Variants in OCA2 observed in about 807,000 individuals in gnomAD.
OCA2 encodes OCA2 melanosomal transmembrane protein.
Under a neutral mutation model 100.2 loss-of-function variants are expected in OCA2, and 77 were observed. The ratio of observed to expected loss-of-function variants is 0.77; its 90% CI spans 0.64 to 0.93. The LOEUF (loss-of-function observed/expected upper bound fraction) is 0.93. Among genes scored for constraint, OCA2 ranks in the 40% least tolerant of loss-of-function variants. OCA2 has a pLI of 0.00. For synonymous variants in OCA2, 432 were observed against 439.2 expected (o/e 0.98, Z 0.21); for missense variants, 1,062 against 1,089.1 (o/e 0.98, Z 0.35).
intron 2 of OCA2, among the ~76,000 whole-genome samples, chr15:28,080,338 CA>C (rs1445281852): frequency 2.6e-5 from 4 of 152,188 alleles, no homozygotes; most frequent in African/African-American, 9.7e-5. Context: ...TTTAATAGCA[CA>C]TACTGGGGGA....
intron 1 of OCA2, among the ~76,000 whole-genome samples, chr15:28,085,350 CT>C (rs1471229787): frequency 6.6e-6 from 1 of 152,156 alleles, no homozygotes; most frequent in Non-Finnish European, 1.5e-5. Context: ...ATAGAAGCTA[CT>C]CTGAGAACTT....
chr15:27,900,131 C>T (rs2037868285), intron 19 of OCA2, among the ~76,000 whole-genome samples: 1 of 152,162 alleles, frequency 6.6e-6, no homozygotes. Context: ...TGTAATTGAG[C>T]TATTCAAGCA....
At chr15:27,758,781 T>A (rs1181054706) in intron 23 of OCA2, among the ~76,000 whole-genome samples, 1 of 151,938 alleles carries the variant, frequency 6.6e-6, no homozygotes, top group Non-Finnish European at 1.5e-5. Flanking sequence ...AAATTGTTCA[T>A]CTGAAAAATG....
intron 23 of OCA2, among the ~76,000 whole-genome samples, chr15:27,796,370 G>A (rs987710855): frequency 2.0e-5 from 3 of 152,266 alleles, no homozygotes; most frequent in Non-Finnish European, 4.4e-5. Flanking sequence ...CCTGTCCCAC[G>A]TGGACACCAG....
chr15:27,972,860 TTTATTTTATTTTATTTTA>T (rs769831384), intron 14 of OCA2, among the ~76,000 whole-genome samples: 61,425 of 140,474 alleles, frequency 0.44, 19,334 homozygotes, highest in Non-Finnish European at 0.64. Flanking sequence ...TTTATTTTAT[TTTATTTTATTTTATTTTA>T]TTTTTGTGAC....
chr15:27,835,428 CA>C (rs1307109944), intron 23 of OCA2, among the ~76,000 whole-genome samples: 1 of 152,216 alleles, frequency 6.6e-6, no homozygotes, highest in Non-Finnish European at 1.5e-5. Flanking sequence ...TTTGGGCCCC[CA>C]CAACCTGGAC....
intron 23 of OCA2, among the ~76,000 whole-genome samples, chr15:27,770,880 TTGC>T (rs2031740360): frequency 1.6e-5 from 1 of 62,334 alleles, no homozygotes. Flanking sequence ...CCTCCTTCCT[TTGC>T]TCCTTCCCAT....
intron 19 of OCA2, chr15:27,896,638 C>CAAAAAAAA (rs58489908): frequency 7.1e-6 from 1 of 141,168 alleles, no homozygotes; most frequent in African/African-American, 2.7e-5. Flanking sequence ...TTATTGACAG[C>CAAAAAAAA]AAAAAAAAAA....
At chr15:28,033,978 T>C (rs998714811) in intron 2 of OCA2, among the ~76,000 whole-genome samples, 1 of 152,088 alleles carries the variant, frequency 6.6e-6, no homozygotes, top group African/African-American at 2.4e-5. Context: ...TGAGCTTCCA[T>C]TTTCTCAGTC....
chr15:27,898,439 T>A lies in OCA2; in HGVS notation c.2080-26517A>T, dbSNP rs756064993. On this transcript the variant is annotated intron_variant, in intron 19 of 23. Coordinates refer to ENST00000354638, the MANE Select transcript of OCA2 (RefSeq NM_000275.3). Reference sequence around the variant, plus strand: ...TATCTGATGGTTGTAAAAACAGGAGTTTTCCTGCACAAGCTCTCTCTTTGC... The same window carrying A: ...TATCTGATGGTTGTAAAAACAGGAGATTTCCTGCACAAGCTCTCTCTTTGC... 1.5e-4 allele frequency among the ~76,000 whole-genome samples: 23 copies of A among 151,918 alleles called. No individual in the cohort carries two copies. The Middle Eastern group carries it at 0.01, about 67-fold the overall frequency.
chr15:27,845,083 G>C, intron 22 of OCA2, 31 bp from the exon 23 acceptor site: 2 of 1,486,244 alleles, frequency 1.3e-6, no homozygotes, highest in Non-Finnish European at 1.9e-6. Context: ...CAAAATCCCA[G>C]TTCATCTTGG....
chr15:27,919,533 A>G (rs2038785737), intron 19 of OCA2, among the ~76,000 whole-genome samples: 1 of 152,230 alleles, frequency 6.6e-6, no homozygotes, highest in Non-Finnish European at 1.5e-5. Context: ...AAGACCACAT[A>G]CTGTGCTCTT....
intron 19 of OCA2, 55 bp from the exon 20 acceptor site, chr15:27,871,977 AT>A: frequency 7.7e-7 from 1 of 1,307,136 alleles, no homozygotes; most frequent in Non-Finnish European, 1.1e-6. Flanking sequence ...TATATGCAAG[AT>A]TTAAAAAAAA....
intron 1 of OCA2, among the ~76,000 whole-genome samples, chr15:28,088,714 C>T (rs2044821628): frequency 6.6e-6 from 1 of 152,122 alleles, no homozygotes; most frequent in South Asian, 2.1e-4. Flanking sequence ...GGAGGGAGTA[C>T]ATGAATAGGG....
rs1446558288 is a variant in OCA2, at chr15:27,928,731, G to C, written c.1952-2477C>G. Among the ~76,000 whole-genome samples, 4 of 152,104 alleles carry C rather than the reference G, an allele frequency of 2.6e-5. No homozygotes were observed. The East Asian group carries it at 7.7e-4, about 29-fold the overall frequency. On this transcript the variant is annotated intron_variant, in intron 18 of 23. Transcript: ENST00000354638. ...CTCCATTCCTCCATCTTCAAAGTCA[G>C]CAATGTCCCTCTCACACTTCAAATC...
At chr15:27,795,611 A>G (rs17674017) in intron 23 of OCA2, among the ~76,000 whole-genome samples, 64,780 of 152,086 alleles carry the variant, frequency 0.43, 14,494 homozygotes, top group East Asian at 0.59. Context: ...CCATCTCTCT[A>G]GTTCTCCATA....
At chr15:28,015,229 C>G (rs575588878) in intron 8 of OCA2, among the ~76,000 whole-genome samples, 1 of 152,288 alleles carries the variant, frequency 6.6e-6, no homozygotes, top group Non-Finnish European at 1.5e-5. Flanking sequence ...CTTCCTCCTC[C>G]CCAACATACC....
At chr15:27,931,256 G>A (rs2442127) in intron 18 of OCA2, among the ~76,000 whole-genome samples, 2 of 152,078 alleles carry the variant, frequency 1.3e-5, no homozygotes, top group Admixed American at 6.5e-5. Context: ...GAATTACCTG[G>A]ATGGATAACG....
intron 19 of OCA2, among the ~76,000 whole-genome samples, chr15:27,900,809 A>G (rs776302609): frequency 7.9e-5 from 12 of 152,216 alleles, no homozygotes; most frequent in Non-Finnish European, 1.8e-4. Flanking sequence ...CAGTAGTCCC[A>G]GTTCATGCAC....
Sources: gnomAD v4.1 joint callset for allele counts (sites outside exome capture counted in the v4.1 genomes callset) on GRCh38, gnomAD v4.1.1 for gene constraint, MANE v1.5 for transcripts, NCBI Gene and HGNC (gene_info 2026-07-23, HGNC 2026-07-21) for gene names.